Variants in AGBL4 observed in about 807,000 individuals in gnomAD.
AGBL4 encodes the protein AGBL carboxypeptidase 4.
A neutral mutation model predicts 66.4 loss-of-function variants in AGBL4; 58 were observed. That is an observed-to-expected ratio of 0.87 (90% CI 0.71 to 1.09). AGBL4 has a LOEUF of 1.09. Among genes scored for constraint, AGBL4 ranks in the 50% least tolerant of loss-of-function variants. The pLI is 0.00. For synonymous variants in AGBL4, 234 were observed against 222.9 expected, an observed-to-expected ratio of 1.05 and a Z score of -0.44; for missense variants, 579 against 631.0, an observed-to-expected ratio of 0.92 and a Z score of 0.88.
At chr1:48,764,594 C>T (rs945006331) in intron 6 of AGBL4, among the ~76,000 whole-genome samples, 1 of 152,074 alleles carries the variant, frequency 6.6e-6, no homozygotes, top group Non-Finnish European at 1.5e-5. Context: ...AAATAAGTGG[C>T]CTTGAATGCC....
At chr1:49,682,660 G>C (rs931020733) in intron 3 of AGBL4, among the ~76,000 whole-genome samples, 8 of 152,200 alleles carry the variant, frequency 5.3e-5, no homozygotes, top group African/African-American at 1.7e-4. Context: ...CTTCATGGGT[G>C]TGTGACCTGT....
intron 3 of AGBL4, among the ~76,000 whole-genome samples, chr1:49,571,412 G>C (rs1006374638): frequency 6.6e-6 from 1 of 151,360 alleles, no homozygotes; most frequent in African/African-American, 2.4e-5. Flanking sequence ...ACTTCTTTTC[G>C]TACATCAATT....
At chr1:49,845,349 A>G in intron 2 of AGBL4, 2 of 1,455,392 alleles carry the variant, frequency 1.4e-6, no homozygotes, top group Non-Finnish European at 9.6e-7. Flanking sequence ...TATGTGGGAA[A>G]TCCTTCAGTT....
At chr1:49,916,099 A>G (rs1651449278) in intron 1 of AGBL4, among the ~76,000 whole-genome samples, 1 of 152,190 alleles carries the variant, frequency 6.6e-6, no homozygotes, top group African/African-American at 2.4e-5. Context: ...ACCATCATCA[A>G]AGACCAAAGG....
chr1:49,307,542 T>C (rs1644868826), intron 3 of AGBL4, among the ~76,000 whole-genome samples: 1 of 152,122 alleles, frequency 6.6e-6, no homozygotes, highest in Non-Finnish European at 1.5e-5. Flanking sequence ...CAATAAATCA[T>C]ACTGTTTTAT....
At chr1:49,894,358 C>T (rs1311469892) in intron 1 of AGBL4, among the ~76,000 whole-genome samples, 2 of 152,224 alleles carry the variant, frequency 1.3e-5, no homozygotes, top group African/African-American at 2.4e-5. Context: ...GAAAATACGA[C>T]TCTACCAAAT....
intron 4 of AGBL4, among the ~76,000 whole-genome samples, chr1:49,114,068 T>C (rs1358145310): frequency 1.3e-5 from 2 of 152,246 alleles, no homozygotes; most frequent in African/African-American, 4.8e-5. Flanking sequence ...CTTTGAAGCC[T>C]TGAAGCCAGG....
At chr1:49,143,051 G>A (rs1455685688) in intron 4 of AGBL4, among the ~76,000 whole-genome samples, 1 of 152,038 alleles carries the variant, frequency 6.6e-6, no homozygotes, top group Non-Finnish European at 1.5e-5. Context: ...TACATTAAAC[G>A]GGAAATGTTG....
At chr1:49,908,910 C>A (rs757299579) in intron 1 of AGBL4, among the ~76,000 whole-genome samples, 4 of 152,110 alleles carry the variant, frequency 2.6e-5, no homozygotes, top group Non-Finnish European at 5.9e-5. Context: ...AGGCTATACT[C>A]TTTTTATCTT....
rs1453606268 is a variant in AGBL4, at chr1:49,018,241, TG to T, written c.594+27342del. 2.0e-5 allele frequency among the ~76,000 whole-genome samples: 3 copies of T among 152,148 alleles called. 1 individual carries two copies. The highest frequency in any genetic ancestry group is 4.4e-5 in the Non-Finnish European group (3 of 68,018). ...AAGCAGTTTTAGTCTCCTCTACAGG[TG>T]GAGTCTTGTTGTCCTGGGTTAGAAG... On this transcript the variant is annotated intron_variant, in intron 5 of 13. Coordinates refer to ENST00000371839, the MANE Select transcript of AGBL4 (RefSeq NM_032785.4).
intron 3 of AGBL4, among the ~76,000 whole-genome samples, chr1:49,660,968 AG>A (rs1646258190): frequency 6.6e-6 from 1 of 151,920 alleles, no homozygotes; most frequent in Non-Finnish European, 1.5e-5. Context: ...ATGCAGGGGG[AG>A]GGAGAGCATT....
At chr1:49,250,546 C>A (rs770922181) in intron 3 of AGBL4, among the ~76,000 whole-genome samples, 2 of 149,652 alleles carry the variant, frequency 1.3e-5, no homozygotes, top group Non-Finnish European at 2.9e-5. Flanking sequence ...TGGGTTCAAG[C>A]GATTCTCCTG....
At chr1:48,670,716 C>T (rs1646263272) in intron 6 of AGBL4, among the ~76,000 whole-genome samples, 1 of 152,200 alleles carries the variant, frequency 6.6e-6, no homozygotes, top group Admixed American at 6.5e-5. Flanking sequence ...GGGGCAGGCT[C>T]CTTCCTCAGG....
At chr1:49,911,754 T>C (rs772751029) in intron 1 of AGBL4, among the ~76,000 whole-genome samples, 26 of 152,148 alleles carry the variant, frequency 1.7e-4, no homozygotes, top group Non-Finnish European at 3.5e-4. Context: ...TACAGTCCCA[T>C]TTGGCCTTGA....
chr1:49,103,204 T>A (rs1376012683), intron 4 of AGBL4, among the ~76,000 whole-genome samples: 1 of 152,182 alleles, frequency 6.6e-6, no homozygotes, highest in African/African-American at 2.4e-5. Context: ...TAGAGTCTAC[T>A]GTTAGAGGCT....
At chr1:48,837,741 A>ATATATATGTATCTATC (rs1391171628) in intron 6 of AGBL4, among the ~76,000 whole-genome samples, 27 of 134,842 alleles carry the variant, frequency 2.0e-4, no homozygotes, top group African/African-American at 7.9e-4. Flanking sequence ...ATATATATAT[A>ATATATATGTATCTATC]TCCTGTTAGT....
chr1:49,906,962 A>C (rs554110456), intron 1 of AGBL4, among the ~76,000 whole-genome samples: 1 of 152,232 alleles, frequency 6.6e-6, no homozygotes, highest in East Asian at 1.9e-4. Flanking sequence ...ATGGGCCATT[A>C]TATATTTTTT....
chr1:49,715,578 C>T (rs949510428), intron 2 of AGBL4, among the ~76,000 whole-genome samples: 12 of 152,192 alleles, frequency 7.9e-5, no homozygotes, highest in African/African-American at 2.2e-4. Flanking sequence ...TACACTCCCA[C>T]CAACAGTGTA....
chr1:49,419,603 T>C (rs1000643800), intron 3 of AGBL4, among the ~76,000 whole-genome samples: 5 of 152,132 alleles, frequency 3.3e-5, no homozygotes, highest in East Asian at 3.9e-4. Context: ...AGTAGTCCCA[T>C]TGGGAGGTTT....
Sources: allele counts gnomAD v4.1 joint callset (sites outside exome capture counted in the v4.1 genomes callset), GRCh38; gene constraint gnomAD v4.1.1; transcripts MANE v1.5; gene names NCBI Gene and HGNC (gene_info 2026-07-23, HGNC 2026-07-21).